The following IKZF3 variants were observed in gnomAD, a reference collection of about 807,000 sequenced individuals.
IKZF3 encodes the protein zinc finger protein Aiolos.
IKZF3 carries 10 observed loss-of-function variants against 49.0 expected under a neutral mutation model. The observed-to-expected ratio is 0.20, with a 90% confidence interval of 0.13 to 0.35. The LOEUF (loss-of-function observed/expected upper bound fraction) is 0.35, where lower values mean the gene tolerates loss of function less well. Ranked by LOEUF, IKZF3 falls within the 10% of genes least tolerant of loss-of-function variation. The pLI, the probability that IKZF3 is intolerant of heterozygous loss-of-function variation, is 1.00. For missense variants in IKZF3, 498 were observed against 664.8 expected, an observed-to-expected ratio of 0.75 and a Z score of 2.76; for synonymous variants, 209 against 228.2, an observed-to-expected ratio of 0.92 and a Z score of 0.76.
intron 3 of IKZF3, among the ~76,000 whole-genome samples, chr17:39,814,822 T>C (rs573849088): frequency 2.6e-4 from 39 of 152,278 alleles, no homozygotes; most frequent in African/African-American, 9.1e-4. Context: ...TAGTAAAAAA[T>C]TTCTGTTGCT....
intron 3 of IKZF3, among the ~76,000 whole-genome samples, chr17:39,827,318 G>C (rs1318855401): frequency 1.3e-5 from 2 of 151,152 alleles, no homozygotes; most frequent in African/African-American, 4.9e-5. Flanking sequence ...TTTTGAGACA[G>C]GATCTCACTG....
At chr17:39,813,884 A>G (rs1018205678) in intron 3 of IKZF3, among the ~76,000 whole-genome samples, 2 of 152,226 alleles carry the variant, frequency 1.3e-5, no homozygotes, top group Non-Finnish European at 2.9e-5. Flanking sequence ...TTTGAAGCAT[A>G]TATTTGCGTG....
rs28673180 is a variant in IKZF3, at chr17:39,852,007, C to T, written c.7+12113G>A. On this transcript the variant is annotated intron_variant, in intron 1 of 7. Transcript: ENST00000346872. ...GGCTCCATATATAGCTTAAAACTCA[C>T]GTGGTACAGAAATTTATTTACATGT... Among the ~76,000 whole-genome samples, 662 of 152,220 alleles carry T rather than the reference C, an allele frequency of 4.3e-3. 3 individuals carry two copies. The highest frequency in any genetic ancestry group is 0.015 in the African/African-American group (618 of 41,526).
At chr17:39,788,459 T>A in intron 5 of IKZF3, 85 bp from the exon 6 acceptor site, 1 of 787,782 alleles carries the variant, frequency 1.3e-6, no homozygotes, top group Non-Finnish European at 2.2e-6. Flanking sequence ...AACTGTTCAC[T>A]AGAAATGAGA....
chr17:39,785,217 G>T (rs1444912296), intron 6 of IKZF3, among the ~76,000 whole-genome samples: 1 of 152,030 alleles, frequency 6.6e-6, no homozygotes, highest in East Asian at 1.9e-4. Context: ...TGTAAATTTT[G>T]GCCTCAGGAA....
At chr17:39,816,754 C>T (rs1042027822) in intron 3 of IKZF3, among the ~76,000 whole-genome samples, 3 of 152,206 alleles carry the variant, frequency 2.0e-5, no homozygotes, top group African/African-American at 4.8e-5. Flanking sequence ...AGTCTCACTC[C>T]GTCGCCCAGG....
chr17:39,792,283 A>G (rs752355431), intron 4 of IKZF3, among the ~76,000 whole-genome samples: 8 of 152,192 alleles, frequency 5.3e-5, no homozygotes, highest in Admixed American at 1.3e-4. Context: ...AATAAAAACT[A>G]TGTCCTTTCA....
chr17:39,838,160 CTT>C (rs1225244797), intron 1 of IKZF3, among the ~76,000 whole-genome samples: 4 of 152,174 alleles, frequency 2.6e-5, no homozygotes. Context: ...TTTCACCAAA[CTT>C]AAGAAATTTT....
chr17:39,837,523 T>C (rs2062329253), intron 1 of IKZF3, among the ~76,000 whole-genome samples: 1 of 151,106 alleles, frequency 6.6e-6, no homozygotes, highest in South Asian at 2.1e-4. Flanking sequence ...AGCCATCCTC[T>C]CACCTCAGCC....
At chr17:39,808,662 G>A (rs1195095332) in intron 3 of IKZF3, among the ~76,000 whole-genome samples, 2 of 152,172 alleles carry the variant, frequency 1.3e-5, no homozygotes, top group Non-Finnish European at 2.9e-5. Context: ...TTCACTGAGG[G>A]TTCATTCAGG....
At chr17:39,830,175 C>T (rs1357934687) in intron 2 of IKZF3, among the ~76,000 whole-genome samples, 1 of 152,168 alleles carries the variant, frequency 6.6e-6, no homozygotes, top group Non-Finnish European at 1.5e-5. Flanking sequence ...ACTGGCATAA[C>T]CTAATTTGGG....
At chr17:39,824,280 T>C (rs1215752625) in intron 3 of IKZF3, among the ~76,000 whole-genome samples, 1 of 152,176 alleles carries the variant, frequency 6.6e-6, no homozygotes, top group Non-Finnish European at 1.5e-5. Context: ...ATATCTCCCA[T>C]TTGGAATGGG....
intron 1 of IKZF3, among the ~76,000 whole-genome samples, chr17:39,852,845 C>A (rs1378955371): frequency 2.6e-5 from 4 of 152,124 alleles, no homozygotes; most frequent in Non-Finnish European, 4.4e-5. Flanking sequence ...GTGGTGCGTG[C>A]CTATAATCTC....
At chr17:39,803,708 T>G (rs2061373279) in intron 3 of IKZF3, among the ~76,000 whole-genome samples, 3 of 152,126 alleles carry the variant, frequency 2.0e-5, no homozygotes. Flanking sequence ...AGGCAGGGTT[T>G]CTCCATGTTG....
intron 6 of IKZF3, among the ~76,000 whole-genome samples, chr17:39,783,536 G>A (rs1337041984): frequency 6.6e-6 from 1 of 152,156 alleles, no homozygotes. Flanking sequence ...TGGCCAGGCT[G>A]TTCTGGAACT....
intron 3 of IKZF3, among the ~76,000 whole-genome samples, chr17:39,814,601 C>T (rs943508463): frequency 1.3e-5 from 2 of 152,108 alleles, no homozygotes; most frequent in South Asian, 2.1e-4. Context: ...AATGACTAGT[C>T]TCCCTAGAGG....
At chr17:39,845,896 T>C (rs1472017041) in intron 1 of IKZF3, among the ~76,000 whole-genome samples, 1 of 152,182 alleles carries the variant, frequency 6.6e-6, no homozygotes, top group Non-Finnish European at 1.5e-5. Flanking sequence ...AGGGTAAAAA[T>C]ATCGACCACA....
intron 1 of IKZF3, among the ~76,000 whole-genome samples, chr17:39,833,706 T>C (rs2062181903): frequency 6.6e-6 from 1 of 152,194 alleles, no homozygotes; most frequent in Non-Finnish European, 1.5e-5. Flanking sequence ...GGGCTATTTA[T>C]AAGTCAAACT....
At chr17:39,768,171 G>A (rs941966796) in intron 7 of IKZF3, among the ~76,000 whole-genome samples, 7 of 152,114 alleles carry the variant, frequency 4.6e-5, no homozygotes, top group Admixed American at 4.6e-4. Flanking sequence ...GAATAATAAG[G>A]TAACATACAG....
Sources: allele counts gnomAD v4.1 joint callset (sites outside exome capture counted in the v4.1 genomes callset), GRCh38; gene constraint gnomAD v4.1.1; transcripts MANE v1.5; gene names NCBI Gene and HGNC (gene_info 2026-07-23, HGNC 2026-07-21).